AK5: variants seen among roughly 807,000 people sequenced by gnomAD.
AK5 encodes the protein adenylate kinase 5.
AK5 carries 27 observed loss-of-function variants against 69.5 expected under a neutral mutation model. That is an observed-to-expected ratio of 0.39 (90% CI 0.29 to 0.54). The LOEUF is 0.54. Among genes scored for constraint, AK5 ranks in the 20% least tolerant of loss-of-function variants. The probability of loss-of-function intolerance (pLI) is 0.71; values close to 1 mark genes in which losing one functional copy is unlikely to be tolerated. For missense variants in AK5, 531 were observed against 700.4 expected (o/e 0.76, Z 2.73); for synonymous variants, 260 against 244.4 (o/e 1.06, Z -0.60).
In AK5 at chr1:77,494,931, G is replaced by A. The variant is rs575215884; in HGVS notation, c.1147+8579G>A. Among the ~76,000 whole-genome samples the A allele has an allele frequency of 4.6e-5, 7 of 151,996 alleles. No individual in the cohort carries two copies. The South Asian group carries it at 1.0e-3, about 23-fold the overall frequency. ...CGGGTAGCTGGGACTACAGGTGCCC[G>A]TCACCACGCTCGGCTAATTTTTTTG... On this transcript the variant is annotated intron_variant, in intron 10 of 13. Coordinates refer to ENST00000354567, the MANE Select transcript of AK5 (RefSeq NM_174858.3).
At chr1:77,510,328 G>A (rs1386403831) in intron 10 of AK5, among the ~76,000 whole-genome samples, 1 of 152,140 alleles carries the variant, frequency 6.6e-6, no homozygotes, top group Non-Finnish European at 1.5e-5. Flanking sequence ...TGAGATGTTG[G>A]TCGTTGGTGT....
intron 10 of AK5, among the ~76,000 whole-genome samples, chr1:77,502,025 T>C (rs771175699): frequency 6.6e-6 from 1 of 152,182 alleles, no homozygotes; most frequent in Non-Finnish European, 1.5e-5. Context: ...GACTTCAGTA[T>C]TTTGAGTGTC....
At chr1:77,429,933 G>A (rs923661332) in intron 8 of AK5, among the ~76,000 whole-genome samples, 2 of 152,320 alleles carry the variant, frequency 1.3e-5, no homozygotes, top group East Asian at 1.9e-4. Context: ...GAGTGCAGAT[G>A]AGCCTGGAAA....
chr1:77,376,379 T>C (rs182643590), intron 6 of AK5, among the ~76,000 whole-genome samples: 3 of 131,406 alleles, frequency 2.3e-5, no homozygotes, highest in Admixed American at 1.8e-4. Context: ...GCCCACTAGG[T>C]CTACAGTAGT....
chr1:77,468,191 A>T (rs1654259963), intron 8 of AK5, among the ~76,000 whole-genome samples: 1 of 152,256 alleles, frequency 6.6e-6, no homozygotes, highest in Non-Finnish European at 1.5e-5. Flanking sequence ...CAGCATTTGC[A>T]AAAGCAGTAA....
chr1:77,290,967 G>T (rs1442126883), intron 2 of AK5, among the ~76,000 whole-genome samples: 1 of 152,150 alleles, frequency 6.6e-6, no homozygotes, highest in African/African-American at 2.4e-5. Context: ...TTAACAAAGG[G>T]CTGAATCTAA....
At chr1:77,298,170 C>A in intron 5 of AK5, 1 of 431,150 alleles carries the variant, frequency 2.3e-6, no homozygotes, top group Admixed American at 4.0e-5. Flanking sequence ...TAATAGAATT[C>A]ATTTTATTGA....
intron 8 of AK5, among the ~76,000 whole-genome samples, chr1:77,475,167 G>GTATATATA (rs35137146): frequency 2.1e-4 from 19 of 89,936 alleles, no homozygotes; most frequent in Non-Finnish European, 2.4e-4. Flanking sequence ...GTGTGTGCAT[G>GTATATATA]TATATATATA....
intron 6 of AK5, among the ~76,000 whole-genome samples, chr1:77,399,454 A>T (rs1368726127): frequency 2.6e-5 from 4 of 152,158 alleles, no homozygotes; most frequent in African/African-American, 9.7e-5. Flanking sequence ...CTAATTAGAC[A>T]GCCAGATCAA....
At chr1:77,346,139 G>A (rs1661903875) in intron 6 of AK5, 1 of 152,190 alleles carries the variant, frequency 6.6e-6, no homozygotes, top group African/African-American at 2.4e-5. Context: ...TGAGTAGACT[G>A]AGGAGGAGGA....
intron 5 of AK5, among the ~76,000 whole-genome samples, chr1:77,338,153 C>T (rs1465658587): frequency 1.3e-5 from 2 of 151,836 alleles, no homozygotes; most frequent in Admixed American, 6.6e-5. Context: ...TTAGTAGAGA[C>T]GGGGTTTTGC....
At chr1:77,411,455 T>G (rs1650038991) in intron 7 of AK5, among the ~76,000 whole-genome samples, 1 of 152,112 alleles carries the variant, frequency 6.6e-6, no homozygotes, top group Non-Finnish European at 1.5e-5. Flanking sequence ...AAGCATCCCC[T>G]CCAATCTGGT....
intron 5 of AK5, among the ~76,000 whole-genome samples, chr1:77,320,266 A>G (rs1020947855): frequency 6.6e-6 from 1 of 152,054 alleles, no homozygotes; most frequent in Non-Finnish European, 1.5e-5. Flanking sequence ...TGACACGTGG[A>G]GATTTTGGGA....
intron 5 of AK5, among the ~76,000 whole-genome samples, chr1:77,328,432 G>A (rs1178243621): frequency 6.6e-6 from 1 of 151,870 alleles, no homozygotes; most frequent in Non-Finnish European, 1.5e-5. Context: ...CCCAGGAGGC[G>A]GAGGTTGCAG....
At chr1:77,362,140 AT>A (rs1162619771) in intron 6 of AK5, among the ~76,000 whole-genome samples, 2 of 151,880 alleles carry the variant, frequency 1.3e-5, no homozygotes, top group African/African-American at 4.8e-5. Flanking sequence ...TGTTTGTTGG[AT>A]TTTTTTTCTT....
intron 6 of AK5, among the ~76,000 whole-genome samples, chr1:77,386,585 C>G (rs1396879901): frequency 6.6e-6 from 1 of 152,096 alleles, no homozygotes; most frequent in African/African-American, 2.4e-5. Flanking sequence ...CCTGAAGATA[C>G]CATGTCAGGG....
chr1:77,484,380 T>C (rs555877752), intron 9 of AK5, among the ~76,000 whole-genome samples: 35 of 152,294 alleles, frequency 2.3e-4, no homozygotes, highest in African/African-American at 8.2e-4. Context: ...TAAACACATA[T>C]AAGTAAGTGA....
intron 8 of AK5, among the ~76,000 whole-genome samples, chr1:77,449,161 G>A (rs1233158461): frequency 1.3e-5 from 2 of 152,164 alleles, no homozygotes; most frequent in African/African-American, 4.8e-5. Flanking sequence ...TCCACAGACA[G>A]TTAGCACCAT....
chr1:77,310,046 T>C (rs2799554), intron 5 of AK5, among the ~76,000 whole-genome samples: 22,490 of 152,160 alleles, frequency 0.15, 2,171 homozygotes, highest in Non-Finnish European at 0.2. Flanking sequence ...TATAGTTTTC[T>C]AGTTATTTTT....
Sources: gnomAD v4.1 joint callset for allele counts (sites outside exome capture counted in the v4.1 genomes callset) on GRCh38, gnomAD v4.1.1 for gene constraint, MANE v1.5 for transcripts, NCBI Gene and HGNC (gene_info 2026-07-23, HGNC 2026-07-21) for gene names.